IKZF3: variants seen among roughly 807,000 people sequenced by gnomAD.
IKZF3 encodes the protein IKAROS family zinc finger 3.
Under a neutral mutation model 49.0 loss-of-function variants are expected in IKZF3, and 10 were observed. That is an observed-to-expected ratio of 0.20 (90% confidence interval 0.13 to 0.35). IKZF3 has a LOEUF of 0.35. Among genes scored for constraint, IKZF3 ranks in the 10% least tolerant of loss-of-function variants. IKZF3 has a pLI of 1.00. For missense variants in IKZF3, 498 were observed against 664.8 expected (o/e 0.75, Z 2.76); for synonymous variants, 209 against 228.2 (o/e 0.92, Z 0.76).
At chr17:39,766,577 G>A in intron 7 of IKZF3, 84 bp from the exon 8 acceptor site, 1 of 1,190,648 alleles carries the variant, frequency 8.4e-7, no homozygotes, top group Non-Finnish European at 1.2e-6. Flanking sequence ...CCTCAAAAAG[G>A]GAGGAGAGTT....
At chr17:39,849,908 A>G (rs2062747490) in intron 1 of IKZF3, among the ~76,000 whole-genome samples, 1 of 151,734 alleles carries the variant, frequency 6.6e-6, no homozygotes, top group South Asian at 2.1e-4. Flanking sequence ...ACTCTCAGAC[A>G]TTGCTAGTGG....
At chr17:39,843,620 A>C (rs1230214032) in intron 1 of IKZF3, among the ~76,000 whole-genome samples, 1 of 152,078 alleles carries the variant, frequency 6.6e-6, no homozygotes, top group Non-Finnish European at 1.5e-5. Flanking sequence ...AATATTTTTA[A>C]AGTGTCCTTT....
At chr17:39,788,897 AG>A in intron 5 of IKZF3, among the ~76,000 whole-genome samples, 1 of 152,172 alleles carries the variant, frequency 6.6e-6, no homozygotes, top group Non-Finnish European at 1.5e-5. Flanking sequence ...AGCAAAGTCT[AG>A]GCTAAAACAA....
At chr17:39,838,865 G>T (rs1259004072) in intron 1 of IKZF3, among the ~76,000 whole-genome samples, 2 of 151,908 alleles carry the variant, frequency 1.3e-5, no homozygotes, top group African/African-American at 4.8e-5. Flanking sequence ...ATAGGATTTT[G>T]CTCTGTGGCC....
At chr17:39,840,470 G>C (rs2062433920) in intron 1 of IKZF3, among the ~76,000 whole-genome samples, 1 of 152,136 alleles carries the variant, frequency 6.6e-6, no homozygotes, top group Non-Finnish European at 1.5e-5. Context: ...CCGTGGAAAG[G>C]TTGGTTCAAT....
At chr17:39,778,271 G>T in intron 6 of IKZF3, 2 of 751,760 alleles carry the variant, frequency 2.7e-6, no homozygotes, top group Non-Finnish European at 3.2e-6. Flanking sequence ...AGTGATTTGT[G>T]TATTGAAATT....
intron 1 of IKZF3, among the ~76,000 whole-genome samples, chr17:39,843,933 A>C (rs2062555294): frequency 1.3e-5 from 2 of 152,226 alleles, no homozygotes; most frequent in Middle Eastern, 3.2e-3. Context: ...CTAAACTTCA[A>C]GGTATTTATA....
Position 39,758,711 on chromosome 17 carries a change from A to C in IKZF3, c.*7079T>G, listed in dbSNP as rs1446152504. On this transcript the variant is annotated 3_prime_UTR_variant, in exon 8 of 8. Transcript: ENST00000346872. ...GACTTCCCTGGGTGCGACACCATGA[A>C]GTGTCTATAGCACGTGGTTAGCTCA... The C allele has an allele frequency of 2.0e-5, 3 of 151,662 alleles. No individual in the cohort carries two copies. Among genetic ancestry groups the C allele is most frequent in the African/African-American group, 7.3e-5 (3 of 41,192 alleles). 9.4% of individuals were successfully genotyped at this position (151,662 alleles called of 1,614,324 possible).
At chr17:39,813,945 C>T (rs765761594) in intron 3 of IKZF3, among the ~76,000 whole-genome samples, 7 of 152,204 alleles carry the variant, frequency 4.6e-5, no homozygotes, top group Non-Finnish European at 8.8e-5. Context: ...GAGGCTGACG[C>T]GGTCTCTCCC....
chr17:39,835,702 G>A (rs1393854435), intron 1 of IKZF3: 1 of 480,004 alleles, frequency 2.1e-6, no homozygotes, highest in Non-Finnish European at 4.1e-6. Context: ...TGGGACTGGA[G>A]CTCCCAGATC....
intron 1 of IKZF3, among the ~76,000 whole-genome samples, chr17:39,849,423 C>A (rs2062732441): frequency 6.6e-6 from 1 of 151,482 alleles, no homozygotes. Context: ...CTTTGGGAGG[C>A]CAAGGCAGGC....
intron 1 of IKZF3, among the ~76,000 whole-genome samples, chr17:39,843,372 T>C (rs544058907): frequency 1.3e-4 from 20 of 152,190 alleles, no homozygotes; most frequent in African/African-American, 4.3e-4. Context: ...GTAAGTTCGA[T>C]AGTGTTTTTT....
chr17:39,773,985 T>C (rs2060510369), intron 7 of IKZF3, among the ~76,000 whole-genome samples: 1 of 152,196 alleles, frequency 6.6e-6, no homozygotes, highest in Admixed American at 6.5e-5. Context: ...CATACAAAAT[T>C]TCTTGGAGAA....
intron 1 of IKZF3, among the ~76,000 whole-genome samples, chr17:39,859,723 C>G (rs1307284299): frequency 6.6e-6 from 1 of 152,068 alleles, no homozygotes; most frequent in Non-Finnish European, 1.5e-5. Flanking sequence ...ATAAATATAC[C>G]AGTTAATATG....
At chr17:39,825,679 G>C (rs2061937207) in intron 3 of IKZF3, among the ~76,000 whole-genome samples, 1 of 152,274 alleles carries the variant, frequency 6.6e-6, no homozygotes, top group East Asian at 1.9e-4. Flanking sequence ...TTTTGGACCA[G>C]AGAATTTCCA....
intron 5 of IKZF3, among the ~76,000 whole-genome samples, chr17:39,789,478 GC>G (rs2060958403): frequency 6.6e-6 from 1 of 152,154 alleles, no homozygotes; most frequent in Admixed American, 6.5e-5. Flanking sequence ...CAGAAGAATC[GC>G]TTGAACCTGG....
At chr17:39,851,117 T>C (rs2062861749) in intron 1 of IKZF3, among the ~76,000 whole-genome samples, 1 of 150,670 alleles carries the variant, frequency 6.6e-6, no homozygotes, top group South Asian at 2.1e-4. Context: ...TGGAGTGCAG[T>C]AGTGTGATCA....
At chr17:39,850,167 GTATATATACTATATAGCATATTATGTAT>G in intron 1 of IKZF3, among the ~76,000 whole-genome samples, 2 of 65,968 alleles carry the variant, frequency 3.0e-5, no homozygotes, top group African/African-American at 1.3e-4. Context: ...TATACTATAT[GTATATATACTATATAGCATATTATGTAT>G]GTATATATAC....
At chr17:39,769,639 C>T (rs1050704879) in intron 7 of IKZF3, among the ~76,000 whole-genome samples, 2 of 152,146 alleles carry the variant, frequency 1.3e-5, no homozygotes, top group East Asian at 1.9e-4. Flanking sequence ...TGATGAACTT[C>T]GGTTTCTTGG....
Sources: gnomAD v4.1 joint callset for allele counts (sites outside exome capture counted in the v4.1 genomes callset) on GRCh38, gnomAD v4.1.1 for gene constraint, MANE v1.5 for transcripts, NCBI Gene and HGNC (gene_info 2026-07-23, HGNC 2026-07-21) for gene names.